The following CPQ variants were observed in gnomAD, a reference collection of about 807,000 sequenced individuals.
CPQ encodes Ser-Met dipeptidase.
Under a neutral mutation model 45.7 loss-of-function variants are expected in CPQ, and 37 were observed. That is an observed-to-expected ratio of 0.81 (90% CI 0.62 to 1.07). The LOEUF is 1.07. CPQ is among the 50% of genes least tolerant of loss of function. CPQ has a pLI of 0.00. For missense variants in CPQ, 537 were observed against 572.9 expected, an observed-to-expected ratio of 0.94 and a Z score of 0.64; for synonymous variants, 186 against 205.8, an observed-to-expected ratio of 0.90 and a Z score of 0.82.
chr8:96,860,253 A>G (rs1811908376), intron 3 of CPQ, among the ~76,000 whole-genome samples: 1 of 152,196 alleles, frequency 6.6e-6, no homozygotes, highest in Non-Finnish European at 1.5e-5. Flanking sequence ...TAAGACACCA[A>G]GTGAGTAATG....
chr8:97,113,721 T>C (rs1045326937), intron 7 of CPQ, among the ~76,000 whole-genome samples: 3 of 152,168 alleles, frequency 2.0e-5, no homozygotes, highest in Non-Finnish European at 2.9e-5. Context: ...GCGCAACAAA[T>C]GTCAGCTCTA....
At chr8:96,801,960 G>A (rs544536748) in intron 2 of CPQ, among the ~76,000 whole-genome samples, 20 of 152,274 alleles carry the variant, frequency 1.3e-4, no homozygotes, top group Admixed American at 7.8e-4. Context: ...TCAAGTAGAA[G>A]TAGTAAATTT....
At chr8:96,652,601 AAG>A (rs1356431140) in intron 1 of CPQ, among the ~76,000 whole-genome samples, 1 of 152,176 alleles carries the variant, frequency 6.6e-6, no homozygotes. Flanking sequence ...AACAATGTAT[AAG>A]AGTTTCCTTT....
chr8:97,132,499 G>GA (rs1345774705), intron 7 of CPQ, among the ~76,000 whole-genome samples: 1 of 152,154 alleles, frequency 6.6e-6, no homozygotes, highest in Admixed American at 6.5e-5. Context: ...AAGAGGTGGG[G>GA]AAAAATGTTT....
intron 7 of CPQ, among the ~76,000 whole-genome samples, chr8:97,142,791 C>T (rs1476531798): frequency 6.6e-6 from 1 of 152,184 alleles, no homozygotes; most frequent in East Asian, 1.9e-4. Flanking sequence ...AACTCTTTGT[C>T]AACGAAGTTA....
intron 4 of CPQ, among the ~76,000 whole-genome samples, chr8:96,950,501 C>G (rs949652561): frequency 1.3e-5 from 2 of 152,018 alleles, no homozygotes; most frequent in Non-Finnish European, 2.9e-5. Context: ...GGAGGGTCTC[C>G]TCCTCCCCTC....
chr8:96,718,588 G>C (rs4735432), intron 1 of CPQ, among the ~76,000 whole-genome samples: 39,904 of 152,012 alleles, frequency 0.26, 5,666 homozygotes, highest in East Asian at 0.59. Context: ...ATTGCAAAGA[G>C]CGAAAGAACA....
rs577774464 is a variant in CPQ at position 97,051,173 on chromosome 8, A to T, written c.1054-14836A>T. On this transcript the variant is annotated intron_variant, in intron 6 of 7. Coordinates refer to ENST00000220763, the MANE Select transcript of CPQ (RefSeq NM_016134.4). Reference sequence around the variant, plus strand: ...TTACTAATAAAGCTACCATTTGCCCAACAGAGGTTCTTGACCATTGCTGTG... The same window carrying T: ...TTACTAATAAAGCTACCATTTGCCCTACAGAGGTTCTTGACCATTGCTGTG... Among the ~76,000 whole-genome samples the T allele has an allele frequency of 8.5e-5, 13 of 152,318 alleles. No homozygotes were observed. In the East Asian group the frequency reaches 2.3e-3, roughly 27 times the overall value.
Position 96,930,636 on chromosome 8 carries a change from C to T in CPQ, c.850-35299C>T, listed in dbSNP as rs141871515. 5.0e-3 allele frequency among the ~76,000 whole-genome samples: 767 copies of T among 152,242 alleles called. 3 individuals are homozygous for T. Among genetic ancestry groups the T allele is most frequent in the South Asian group, 7.7e-3 (37 of 4,824 alleles). On this transcript the variant is annotated intron_variant, in intron 4 of 7. Coordinates refer to ENST00000220763, the MANE Select transcript of CPQ (RefSeq NM_016134.4). ...AGACTTCGTTCCTCTTCTGGTTCTCCCAGCAATGACTTTTCAGTCACTGAA... is the reference window on the plus strand; with the variant it reads ...AGACTTCGTTCCTCTTCTGGTTCTCTCAGCAATGACTTTTCAGTCACTGAA...
chr8:96,984,820 A>G (rs1340690660), intron 5 of CPQ, among the ~76,000 whole-genome samples: 1 of 152,220 alleles, frequency 6.6e-6, no homozygotes, highest in East Asian at 1.9e-4. Context: ...GAGCTTCATC[A>G]GTTCCTGGCA....
chr8:96,691,866 G>A (rs1809309191), intron 1 of CPQ, among the ~76,000 whole-genome samples: 1 of 152,040 alleles, frequency 6.6e-6, no homozygotes, highest in South Asian at 2.1e-4. Flanking sequence ...GCTGTTCTGT[G>A]CACTCTGACC....
intron 6 of CPQ, among the ~76,000 whole-genome samples, chr8:97,030,246 T>TCTG (rs1471837449): frequency 6.6e-6 from 1 of 152,142 alleles, no homozygotes; most frequent in East Asian, 1.9e-4. Flanking sequence ...GAGCATTTGG[T>TCTG]CTGCTGCTGC....
intron 2 of CPQ, among the ~76,000 whole-genome samples, chr8:96,791,193 A>G (rs1266212324): frequency 6.6e-6 from 1 of 152,196 alleles, no homozygotes; most frequent in African/African-American, 2.4e-5. Flanking sequence ...TTGTTTGGGC[A>G]TGAACAACTG....
chr8:96,869,587 T>C (rs1812040037), intron 3 of CPQ, among the ~76,000 whole-genome samples: 1 of 152,110 alleles, frequency 6.6e-6, no homozygotes, highest in East Asian at 1.9e-4. Context: ...GTGATCCCTG[T>C]TGAGATCACA....
intron 4 of CPQ, among the ~76,000 whole-genome samples, chr8:96,937,515 G>A (rs1352852713): frequency 6.6e-6 from 1 of 152,142 alleles, no homozygotes; most frequent in Non-Finnish European, 1.5e-5. Context: ...GAGCAAGAGA[G>A]GAGATAGTAG....
intron 7 of CPQ, among the ~76,000 whole-genome samples, chr8:97,116,045 G>A (rs1811587235): frequency 6.6e-6 from 1 of 152,028 alleles, no homozygotes; most frequent in Non-Finnish European, 1.5e-5. Context: ...AAAGGGAGAA[G>A]GGGTCAAGGA....
At chr8:96,766,843 T>G (rs893789899) in intron 1 of CPQ, among the ~76,000 whole-genome samples, 16 of 152,110 alleles carry the variant, frequency 1.1e-4, no homozygotes, top group African/African-American at 3.9e-4. Context: ...AGGGAAGCAA[T>G]GCAGAAAACT....
At chr8:96,902,359 G>C (rs1812522100) in intron 4 of CPQ, among the ~76,000 whole-genome samples, 1 of 152,184 alleles carries the variant, frequency 6.6e-6, no homozygotes, top group African/African-American at 2.4e-5. Context: ...TAAATTGTCC[G>C]ATGTTGCATA....
At chr8:96,990,918 T>TATA (rs1809082475) in intron 5 of CPQ, among the ~76,000 whole-genome samples, 2 of 152,188 alleles carry the variant, frequency 1.3e-5, no homozygotes, top group Non-Finnish European at 2.9e-5. Context: ...TCCATAGATA[T>TATA]GCTTGTTAGC....
Sources: gnomAD v4.1 joint callset for allele counts (sites outside exome capture counted in the v4.1 genomes callset) on GRCh38, gnomAD v4.1.1 for gene constraint, MANE v1.5 for transcripts, NCBI Gene and HGNC (gene_info 2026-07-23, HGNC 2026-07-21) for gene names.